PTPRM: variants seen among roughly 807,000 people sequenced by gnomAD.
PTPRM encodes receptor-type tyrosine-protein phosphatase mu.
Under a neutral mutation model 186.7 loss-of-function variants are expected in PTPRM, and 47 were observed. That is an observed-to-expected ratio of 0.25 (90% CI 0.20 to 0.32). The LOEUF (loss-of-function observed/expected upper bound fraction) is 0.32. Among genes scored for constraint, PTPRM ranks in the 10% least tolerant of loss-of-function variants. The pLI is 1.00. For synonymous variants in PTPRM, 668 were observed against 674.9 expected (o/e 0.99, Z 0.16); for missense variants, 1,494 against 1,865.0 (o/e 0.80, Z 3.66).
In PTPRM at chr18:8,085,864, A is replaced by G. The variant is rs1453684657; in HGVS notation, c.1745A>G (p.Lys582Arg). The change falls in exon 10 of 33, where the codon AAA (lysine) becomes AGA (arginine). Residue 582 changes from lysine to arginine, a missense_variant. Lys to Arg is a conservative substitution (Grantham distance 26). Transcript: ENST00000580170. ...GPPATNQFTT[K>R]ISAPSMPAYE... Reference sequence around the variant, plus strand: ...CCAGCAACAAACCAGTTCACCACCAAAATATCAGGTACTCTACATTCGTGA... The same window carrying G: ...CCAGCAACAAACCAGTTCACCACCAGAATATCAGGTACTCTACATTCGTGA... The G allele has an allele frequency of 1.2e-6, 2 of 1,612,364 alleles. No homozygotes were observed. The highest frequency in any genetic ancestry group is 4.5e-5 in the East Asian group (2 of 44,848).
intron 20 of PTPRM, among the ~76,000 whole-genome samples, chr18:8,311,750 TG>T (rs1206725739): frequency 6.6e-6 from 1 of 152,120 alleles, no homozygotes; most frequent in African/African-American, 2.4e-5. Flanking sequence ...AGTTAAATTT[TG>T]GGGTGTGGAT....
At chr18:8,372,006 A>G (rs1202933745) in intron 24 of PTPRM, among the ~76,000 whole-genome samples, 1 of 146,798 alleles carries the variant, frequency 6.8e-6, no homozygotes, top group African/African-American at 2.5e-5. Context: ...CCTGGGTTAT[A>G]GGCAGATTGC....
chr18:8,230,176 A>G (rs571534704), intron 14 of PTPRM, among the ~76,000 whole-genome samples: 1 of 152,332 alleles, frequency 6.6e-6, no homozygotes, highest in East Asian at 1.9e-4. Context: ...TCTACAACAG[A>G]GGCCCAACAA....
chr18:7,571,415 A>G (rs1186061634), intron 1 of PTPRM, among the ~76,000 whole-genome samples: 1 of 152,234 alleles, frequency 6.6e-6, no homozygotes, highest in African/African-American at 2.4e-5. Flanking sequence ...TCCCTTTTGC[A>G]TGGTGAGAAA....
At chr18:8,243,984 T>G in intron 14 of PTPRM, 74 bp from the exon 15 acceptor site, 1 of 1,387,168 alleles carries the variant, frequency 7.2e-7, no homozygotes, top group Non-Finnish European at 9.9e-7. Flanking sequence ...TTCCTGAACA[T>G]CTGTCAATAT....
intron 11 of PTPRM, among the ~76,000 whole-genome samples, chr18:8,113,276 G>A (rs1270117974): frequency 6.6e-6 from 1 of 152,152 alleles, no homozygotes; most frequent in Non-Finnish European, 1.5e-5. Flanking sequence ...GTTGTTTTGG[G>A]TGAGAGAGTT....
chr18:7,651,336 G>C (rs1858328886), intron 1 of PTPRM, among the ~76,000 whole-genome samples: 1 of 152,020 alleles, frequency 6.6e-6, no homozygotes, highest in South Asian at 2.1e-4. Flanking sequence ...ATTAAAAACT[G>C]CTCTTCAAAA....
chr18:8,235,826 T>C (rs2094339456), intron 14 of PTPRM, among the ~76,000 whole-genome samples: 1 of 152,210 alleles, frequency 6.6e-6, no homozygotes, highest in African/African-American at 2.4e-5. Context: ...ATTTCTTTTT[T>C]GACCTGTGTT....
rs139224375 is a variant in PTPRM, at chr18:7,581,222, A to G, written c.73+13331A>G. Among the ~76,000 whole-genome samples the G allele has an allele frequency of 2.6e-5, 4 of 152,286 alleles. No homozygotes were observed. The East Asian group carries it at 7.7e-4, about 29-fold the overall frequency. On this transcript the variant is annotated intron_variant, in intron 1 of 32. Transcript: ENST00000580170. ...GGCCAAAGGTGGGCACGGGATTCCA[A>G]GTCTTCCTTGCTAAGCATCTTTTCT...
rs1343860107 is a variant in PTPRM at position 7,578,168 on chromosome 18, AATG to A, written c.73+10283_73+10285del. 2.0e-5 allele frequency among the ~76,000 whole-genome samples: 3 copies of A among 150,660 alleles called. No homozygotes were observed. The East Asian group carries it at 5.8e-4, about 29-fold the overall frequency. On this transcript the variant is annotated intron_variant, in intron 1 of 32. Transcript: ENST00000580170. The stretch of plus-strand genomic sequence containing the variant: ...TGATGATTATGATGATGATGATGAT[AATG>A]ATGATTTTTAGACAGGGTCTCACTC...
chr18:8,068,025 A>G (rs1015388007), intron 7 of PTPRM, among the ~76,000 whole-genome samples: 6 of 152,320 alleles, frequency 3.9e-5, no homozygotes, highest in Non-Finnish European at 5.9e-5. Flanking sequence ...TGGGGACAGC[A>G]TGATTTGTAG....
chr18:8,259,836 T>A (rs1185944476), intron 19 of PTPRM, among the ~76,000 whole-genome samples: 1 of 151,960 alleles, frequency 6.6e-6, no homozygotes, highest in Non-Finnish European at 1.5e-5. Flanking sequence ...TAGTAGAGTT[T>A]TTCACCATGT....
intron 14 of PTPRM, among the ~76,000 whole-genome samples, chr18:8,193,000 G>C (rs2093729004): frequency 6.6e-6 from 1 of 152,014 alleles, no homozygotes; most frequent in African/African-American, 2.4e-5. Context: ...AAGCATGTGG[G>C]GGACAGTTGG....
intron 14 of PTPRM, among the ~76,000 whole-genome samples, chr18:8,166,709 T>G (rs2093328937): frequency 6.6e-6 from 1 of 152,218 alleles, no homozygotes; most frequent in Non-Finnish European, 1.5e-5. Context: ...CGCTTTGTAA[T>G]GACTCTGTAG....
intron 1 of PTPRM, among the ~76,000 whole-genome samples, chr18:7,637,150 A>G (rs1180182729): frequency 6.8e-6 from 1 of 147,486 alleles, no homozygotes; most frequent in Non-Finnish European, 1.5e-5. Context: ...CCTGGGTGAC[A>G]GAGCGAGACC....
At chr18:7,797,739 A>T (rs1285172572) in intron 2 of PTPRM, among the ~76,000 whole-genome samples, 1 of 151,846 alleles carries the variant, frequency 6.6e-6, no homozygotes, top group African/African-American at 2.4e-5. Context: ...TCGAGTTCCT[A>T]GAAGATTGTC....
At chr18:8,148,120 T>C (rs867275694) in intron 14 of PTPRM, among the ~76,000 whole-genome samples, 1 of 152,156 alleles carries the variant, frequency 6.6e-6, no homozygotes, top group South Asian at 2.1e-4. Context: ...TTTGTTGTTG[T>C]TGTCTCTGCC....
At chr18:8,245,983 G>A (rs948407599) in intron 15 of PTPRM, among the ~76,000 whole-genome samples, 5 of 152,126 alleles carry the variant, frequency 3.3e-5, no homozygotes, top group African/African-American at 1.2e-4. Flanking sequence ...ACAACTGATC[G>A]GCTATTAGAC....
intron 2 of PTPRM, among the ~76,000 whole-genome samples, chr18:7,834,346 T>C (rs975523945): frequency 1.3e-5 from 2 of 150,036 alleles, no homozygotes; most frequent in Non-Finnish European, 3.0e-5. Flanking sequence ...TGTTGAGGAT[T>C]GTTGCTTCAA....
Sources: gnomAD v4.1 joint callset for allele counts (sites outside exome capture counted in the v4.1 genomes callset) on GRCh38, gnomAD v4.1.1 for gene constraint, MANE v1.5 for transcripts, NCBI Gene and HGNC (gene_info 2026-07-23, HGNC 2026-07-21) for gene names.